Variants in CNTNAP2 observed in about 807,000 individuals in gnomAD.
CNTNAP2 encodes contactin associated protein 2, also known as contactin-associated protein-like 2.
In CNTNAP2, 98 loss-of-function variants were observed where a neutral mutation model predicts 155.2. The ratio of observed to expected loss-of-function variants is 0.63; its 90% CI spans 0.54 to 0.75. CNTNAP2 has a LOEUF of 0.75. Among genes scored for constraint, CNTNAP2 ranks in the 30% least tolerant of loss-of-function variants. The probability of loss-of-function intolerance (pLI) is 0.00; values close to 1 mark genes in which losing one functional copy is unlikely to be tolerated. For missense variants in CNTNAP2, 1,727 were observed against 1,688.1 expected (o/e 1.02, Z -0.40); for synonymous variants, 651 against 631.2 (o/e 1.03, Z -0.47).
chr7:148,042,923 G>T (rs1393617966), intron 15 of CNTNAP2, among the ~76,000 whole-genome samples: 1 of 152,230 alleles, frequency 6.6e-6, no homozygotes, highest in Non-Finnish European at 1.5e-5. Flanking sequence ...TTTCCAGTAT[G>T]TGAGTCTCGG....
intron 1 of CNTNAP2, among the ~76,000 whole-genome samples, chr7:146,657,929 CAAT>C (rs2129165273): frequency 6.6e-6 from 1 of 150,686 alleles, no homozygotes; most frequent in South Asian, 2.1e-4. Context: ...TTAAAAAAAC[CAAT>C]AATGCCAAAT....
At chr7:146,595,233 A>G (rs1183141824) in intron 1 of CNTNAP2, among the ~76,000 whole-genome samples, 3 of 152,116 alleles carry the variant, frequency 2.0e-5, no homozygotes, top group African/African-American at 4.8e-5. Flanking sequence ...ATCAAGAAAC[A>G]TACTCTATAT....
At chr7:147,291,208 T>C (rs1369784715) in intron 8 of CNTNAP2, among the ~76,000 whole-genome samples, 1 of 151,906 alleles carries the variant, frequency 6.6e-6, no homozygotes, top group Non-Finnish European at 1.5e-5. Context: ...AACGTACAGG[T>C]TTGTTATATA....
At chr7:147,094,359 G>C (rs1312441013) in intron 4 of CNTNAP2, among the ~76,000 whole-genome samples, 2 of 151,300 alleles carry the variant, frequency 1.3e-5, no homozygotes, top group Non-Finnish European at 2.9e-5. Context: ...TACCCTTAAA[G>C]GTCCATTCAG....
intron 13 of CNTNAP2, among the ~76,000 whole-genome samples, chr7:147,808,586 C>T (rs1056208414): frequency 1.3e-5 from 2 of 152,224 alleles, no homozygotes; most frequent in Non-Finnish European, 2.9e-5. Flanking sequence ...CTGCCCTTAC[C>T]TGGCATCTGT....
intron 1 of CNTNAP2, among the ~76,000 whole-genome samples, chr7:146,668,515 A>G (rs1303614638): frequency 6.6e-6 from 1 of 151,390 alleles, no homozygotes; most frequent in Non-Finnish European, 1.5e-5. Context: ...GGGCTTGCAG[A>G]ATGAGTTTGG....
intron 1 of CNTNAP2, among the ~76,000 whole-genome samples, chr7:146,139,314 G>A (rs1340404154): frequency 6.6e-6 from 1 of 152,078 alleles, no homozygotes; most frequent in African/African-American, 2.4e-5. Flanking sequence ...TAAGTTAGGG[G>A]TCATTTTTAT....
chr7:146,487,518 T>C (rs1797074891), intron 1 of CNTNAP2, among the ~76,000 whole-genome samples: 2 of 152,202 alleles, frequency 1.3e-5, no homozygotes, highest in African/African-American at 2.4e-5. Flanking sequence ...TTAATTTCTT[T>C]AACAAACAGT....
At chr7:148,121,482 A>G (rs1585137110) in intron 16 of CNTNAP2, among the ~76,000 whole-genome samples, 1 of 152,210 alleles carries the variant, frequency 6.6e-6, no homozygotes, top group Admixed American at 6.5e-5. Flanking sequence ...GAGGGGCCTC[A>G]GGAAACGTTG....
intron 13 of CNTNAP2, among the ~76,000 whole-genome samples, chr7:147,735,872 C>T (rs11984106): frequency 0.97 from 146,605 of 151,430 alleles, 71,113 homozygotes; most frequent in East Asian, 1. Flanking sequence ...TTCCATTTGC[C>T]TGGTAGATCT....
chr7:146,435,131 G>A (rs575360777), intron 1 of CNTNAP2, among the ~76,000 whole-genome samples: 2 of 152,234 alleles, frequency 1.3e-5, no homozygotes, highest in African/African-American at 4.8e-5. Flanking sequence ...CATGGTCAGA[G>A]GGTTAATTAA....
intron 1 of CNTNAP2, among the ~76,000 whole-genome samples, chr7:146,314,024 T>A (rs1443412565): frequency 6.6e-6 from 1 of 152,126 alleles, no homozygotes; most frequent in East Asian, 1.9e-4. Flanking sequence ...TATATATATA[T>A]AAATTGATAT....
chr7:148,092,460 G>C (rs369860535), intron 15 of CNTNAP2, among the ~76,000 whole-genome samples: 1 of 152,298 alleles, frequency 6.6e-6, no homozygotes, highest in East Asian at 1.9e-4. Context: ...AGAAATGGAA[G>C]CAGGTGCCCC....
intron 11 of CNTNAP2, among the ~76,000 whole-genome samples, chr7:147,487,512 T>C (rs1798531043): frequency 6.6e-6 from 1 of 152,164 alleles, no homozygotes; most frequent in Non-Finnish European, 1.5e-5. Flanking sequence ...TTATCGTGTG[T>C]TATAAATACC....
chr7:146,963,957 T>C (rs1038203911), intron 3 of CNTNAP2, among the ~76,000 whole-genome samples: 1 of 152,098 alleles, frequency 6.6e-6, no homozygotes, highest in Non-Finnish European at 1.5e-5. Flanking sequence ...TGATTTTTTT[T>C]TTTATGTTGA....
At chr7:147,712,838 A>T (rs1274929652) in intron 13 of CNTNAP2, among the ~76,000 whole-genome samples, 1 of 152,204 alleles carries the variant, frequency 6.6e-6, no homozygotes, top group Non-Finnish European at 1.5e-5. Flanking sequence ...GCACATGTAT[A>T]CATATGTAAC....
chr7:147,089,947 A>G (rs1318852299), intron 4 of CNTNAP2, among the ~76,000 whole-genome samples: 1 of 152,236 alleles, frequency 6.6e-6, no homozygotes, highest in East Asian at 1.9e-4. Context: ...TCTTCAGTAC[A>G]GAAAGCAGTG....
At chr7:146,196,097 CAAG>C (rs1335045914) in intron 1 of CNTNAP2, among the ~76,000 whole-genome samples, 2 of 152,242 alleles carry the variant, frequency 1.3e-5, no homozygotes, top group East Asian at 1.9e-4. Flanking sequence ...GCTGTAATAA[CAAG>C]AAGTTTGCAT....
chr7:147,462,646 G>C (rs1444688285), intron 10 of CNTNAP2, among the ~76,000 whole-genome samples: 2 of 152,220 alleles, frequency 1.3e-5, no homozygotes, highest in Non-Finnish European at 2.9e-5. Context: ...ATAGTAACCA[G>C]AACTTCCATA....
Sources: gnomAD v4.1 joint callset for allele counts (sites outside exome capture counted in the v4.1 genomes callset) on GRCh38, gnomAD v4.1.1 for gene constraint, MANE v1.5 for transcripts, NCBI Gene and HGNC (gene_info 2026-07-23, HGNC 2026-07-21) for gene names.